The following PLXNC1 variants were observed in gnomAD, a reference collection of about 807,000 sequenced individuals.
The protein encoded by PLXNC1 is plexin C1.
PLXNC1 carries 75 observed loss-of-function variants against 178.2 expected under a neutral mutation model. The observed-to-expected ratio is 0.42, with a 90% CI of 0.35 to 0.51. The LOEUF is 0.51. Among genes scored for constraint, PLXNC1 ranks in the 20% least tolerant of loss-of-function variants. The pLI is 0.02. For synonymous variants in PLXNC1, 790 were observed against 779.9 expected (o/e 1.01, Z -0.22); for missense variants, 1,503 against 1,984.4 (o/e 0.76, Z 4.61).
chr12:94,179,516 G>A (rs112488500), intron 2 of PLXNC1, among the ~76,000 whole-genome samples: 3,474 of 152,148 alleles, frequency 0.023, 157 homozygotes, highest in African/African-American at 0.08. Flanking sequence ...AGAGGCGAGC[G>A]GATCACCTCA....
At position 94,209,637 on chromosome 12, in the gene PLXNC1, G is replaced by A; in HGVS notation, c.1487G>A (p.Trp496Ter). ...GTACATTCAGAGAACTTAGAAAACT[G>A]GCTGGATATTTCGTCTGGAGCAAAA... The part of the protein sequence containing the change: ...DCVHSENLEN[W>*]LDISSGAKKC... Residue 496 changes from tryptophan to a stop codon, truncating the protein, a stop_gained, in exon 5 of 31, where the codon TGG (tryptophan) becomes TAG (stop). Transcript: ENST00000258526. LOFTEE classifies it high-confidence loss of function. 1.2e-6 allele frequency: 2 copies of A among 1,612,596 alleles called. No homozygotes were observed. The highest frequency in any genetic ancestry group is 1.7e-6 in the Non-Finnish European group (2 of 1,179,044).
In PLXNC1 at chr12:94,149,978, T is replaced by C. The variant is rs762331339; in HGVS notation, c.1007T>C (p.Ile336Thr). ...TALCLFRMSE[I>T]QARAKRVSWD... is the part of the protein sequence containing the mutation. Reference sequence around the variant, plus strand: ...CTCTGCCTCTTCAGAATGAGTGAGATCCAGGCGCGCGCCAAGAGGGTCAGC... The same window carrying C: ...CTCTGCCTCTTCAGAATGAGTGAGACCCAGGCGCGCGCCAAGAGGGTCAGC... The change falls in exon 1 of 31, where the codon ATC (isoleucine) becomes ACC (threonine). Residue 336 changes from isoleucine (I) to threonine (T), a missense_variant. By Grantham distance (89) the Ile-to-Thr change is moderately conservative. Coordinates refer to ENST00000258526, the MANE Select transcript of PLXNC1 (RefSeq NM_005761.3). The C allele has an allele frequency of 6.3e-7, 1 of 1,595,174 alleles. No homozygotes were observed. Among genetic ancestry groups the C allele is most frequent in the Non-Finnish European group, 8.5e-7 (1 of 1,172,154 alleles).
chr12:94,288,986 C>T lies in PLXNC1; in HGVS notation c.3880-5500C>T, dbSNP rs533315317. 4.6e-5 allele frequency among the ~76,000 whole-genome samples: 7 copies of T among 152,258 alleles called. No homozygotes were observed. In the South Asian group the frequency reaches 1.0e-3, roughly 23 times the overall value. ...TAATTTTTCATAAAATTTATAGCTA[C>T]AATGCCAGCATTTCTCTTAGGTGGA... On this transcript the variant is annotated intron_variant, in intron 23 of 30. Coordinates refer to ENST00000258526, the MANE Select transcript of PLXNC1 (RefSeq NM_005761.3).
intron 3 of PLXNC1, among the ~76,000 whole-genome samples, chr12:94,182,857 C>A (rs1004417587): frequency 7.1e-6 from 1 of 141,746 alleles, no homozygotes; most frequent in African/African-American, 2.5e-5. Context: ...TCAAGAATAT[C>A]TGTATCTATC....
chr12:94,286,368 G>C (rs745888454), intron 23 of PLXNC1, among the ~76,000 whole-genome samples: 1 of 152,106 alleles, frequency 6.6e-6, no homozygotes, highest in Non-Finnish European at 1.5e-5. Context: ...TTTAAAGGCT[G>C]CTTGGAGAAA....
intron 9 of PLXNC1, among the ~76,000 whole-genome samples, chr12:94,232,773 G>A (rs1034717343): frequency 2.6e-5 from 4 of 152,146 alleles, no homozygotes; most frequent in African/African-American, 7.2e-5. Context: ...GCTAAGATTC[G>A]CTGAGCCTGT....
intron 24 of PLXNC1, 54 bp from the exon 25 acceptor site, chr12:94,297,135 C>T: frequency 6.3e-7 from 1 of 1,583,844 alleles, no homozygotes; most frequent in Non-Finnish European, 8.7e-7. Flanking sequence ...CCGATTAGCC[C>T]ATGGTTGCTT....
intron 15 of PLXNC1, among the ~76,000 whole-genome samples, chr12:94,252,854 C>CT (rs1261206613): frequency 8.5e-5 from 13 of 152,204 alleles, no homozygotes; most frequent in African/African-American, 3.1e-4. Flanking sequence ...TGGTTCTGAG[C>CT]TGCTTGTCAT....
intron 1 of PLXNC1, among the ~76,000 whole-genome samples, chr12:94,162,922 A>G (rs182124143): frequency 6.6e-6 from 1 of 152,312 alleles, no homozygotes; most frequent in Non-Finnish European, 1.5e-5. Context: ...AGTAGTCAAC[A>G]TAATAGAGGG....
intron 20 of PLXNC1, among the ~76,000 whole-genome samples, chr12:94,264,125 T>C (rs1241622091): frequency 6.6e-6 from 1 of 152,054 alleles, no homozygotes; most frequent in Non-Finnish European, 1.5e-5. Context: ...AGGCCTAATG[T>C]CCATTGATTA....
intron 21 of PLXNC1, among the ~76,000 whole-genome samples, chr12:94,274,577 C>T (rs1203873691): frequency 6.6e-6 from 1 of 152,206 alleles, no homozygotes; most frequent in Admixed American, 6.5e-5. Flanking sequence ...AGAGGCAGGG[C>T]AGTCCCTCTA....
At chr12:94,285,213 T>C (rs1169304223) in intron 23 of PLXNC1, among the ~76,000 whole-genome samples, 2 of 152,138 alleles carry the variant, frequency 1.3e-5, no homozygotes, top group South Asian at 4.1e-4. Flanking sequence ...AGGGACCCCC[T>C]GTTTTTCATG....
At chr12:94,195,232 C>G (rs74866863) in intron 4 of PLXNC1, among the ~76,000 whole-genome samples, 5,503 of 152,208 alleles carry the variant, frequency 0.036, 345 homozygotes, top group African/African-American at 0.12. Flanking sequence ...GGAAGATGAA[C>G]CACGTTAATC....
chr12:94,205,441 A>C (rs1231310422), intron 4 of PLXNC1, among the ~76,000 whole-genome samples: 1 of 152,230 alleles, frequency 6.6e-6, no homozygotes, highest in African/African-American at 2.4e-5. Flanking sequence ...AATATATAGT[A>C]GTAAAGTTAC....
rs1271075746 is a variant in PLXNC1 at position 94,179,438 on chromosome 12, G to A, written c.1204-2008G>A. The stretch of plus-strand genomic sequence containing the variant: ...AAGAAGATTAAAGGTTAGGTACAAA[G>A]GTGATTAAGACATGGTCCCAGGCCA... On this transcript the variant is annotated intron_variant, in intron 2 of 30. Transcript: ENST00000258526. Among the ~76,000 whole-genome samples, 3 of 152,136 alleles carry A rather than the reference G, an allele frequency of 2.0e-5. No homozygotes were observed. The East Asian group carries it at 5.8e-4, about 29-fold the overall frequency.
intron 26 of PLXNC1, 140 bp downstream of exon 26, chr12:94,297,563 C>A: frequency 1.6e-6 from 1 of 633,344 alleles, no homozygotes; most frequent in Non-Finnish European, 2.8e-6. Flanking sequence ...AAATTGTAAA[C>A]ACTTCCTACC....
intron 9 of PLXNC1, among the ~76,000 whole-genome samples, chr12:94,235,730 C>A (rs751107281): frequency 6.6e-6 from 1 of 152,112 alleles, no homozygotes; most frequent in South Asian, 2.1e-4. Flanking sequence ...ACTACCCAGA[C>A]GAATATTTAT....
intron 23 of PLXNC1, among the ~76,000 whole-genome samples, chr12:94,291,118 G>A (rs942123177): frequency 1.3e-5 from 2 of 152,202 alleles, no homozygotes; most frequent in African/African-American, 4.8e-5. Context: ...TGGTTTCCAT[G>A]GTACCAAAAG....
intron 5 of PLXNC1, among the ~76,000 whole-genome samples, chr12:94,216,388 AAAGT>A (rs1338255456): frequency 6.6e-6 from 1 of 152,344 alleles, no homozygotes; most frequent in Non-Finnish European, 1.5e-5. Context: ...AATACACCAA[AAAGT>A]AAGTGGGCCA....
Sources: gnomAD v4.1 joint callset for allele counts (sites outside exome capture counted in the v4.1 genomes callset) on GRCh38, gnomAD v4.1.1 for gene constraint, MANE v1.5 for transcripts, NCBI Gene and HGNC (gene_info 2026-07-23, HGNC 2026-07-21) for gene names.